TRIP12: variants seen among roughly 807,000 people sequenced by gnomAD.
TRIP12 encodes E3 ubiquitin-protein ligase TRIP12.
In TRIP12, 25 loss-of-function variants were observed where a neutral mutation model predicts 244.2. The observed-to-expected ratio is 0.10, with a 90% CI of 0.07 to 0.14. TRIP12 has a LOEUF of 0.14. Among genes scored for constraint, TRIP12 ranks in the 10% least tolerant of loss-of-function variants. The pLI is 1.00. For missense variants in TRIP12, 1,677 were observed against 2,486.4 expected (o/e 0.67, Z 6.92); for synonymous variants, 905 against 873.1 (o/e 1.04, Z -0.64).
At chr2:229,823,014 CAA>C (rs1021274120) in intron 8 of TRIP12, among the ~76,000 whole-genome samples, 25 of 151,908 alleles carry the variant, frequency 1.6e-4, no homozygotes, top group African/African-American at 5.8e-4. Context: ...TCCAACTAGG[CAA>C]AGAGAAAAAA....
rs2154310490 is a variant in TRIP12 at position 229,840,930 on chromosome 2, A to G, written c.1028-3T>C. ...TTTCTTCGTAGATTTTCTTAAACCT[A>G]TCCACAGAAAATGGAAAAGTGTAAT... On this transcript the variant is annotated splice_polypyrimidine_tract_variant and splice_region_variant and intron_variant, in intron 4 of 41. Transcript: ENST00000675903. 6.3e-7 allele frequency: 1 copy of G among 1,578,108 alleles called. No homozygotes were observed. Among genetic ancestry groups the G allele is most frequent in the South Asian group, 1.2e-5 (1 of 83,934 alleles).
intron 8 of TRIP12, among the ~76,000 whole-genome samples, chr2:229,822,433 G>A (rs1338757698): frequency 6.6e-6 from 1 of 152,130 alleles, no homozygotes; most frequent in Non-Finnish European, 1.5e-5. Flanking sequence ...CAAAATTCTA[G>A]GAGGGCCACA....
rs762153765 is a variant in TRIP12 at position 229,791,171 on chromosome 2, G to A, written c.4496C>T (p.Thr1499Met). Residue 1499 changes from threonine (T) to methionine (M), a missense_variant, in exon 30 of 42, where the codon ACG becomes ATG. Thr to Met is a moderately conservative substitution (Grantham distance 81, BLOSUM62 -1). Coordinates refer to ENST00000675903, the MANE Select transcript of TRIP12 (RefSeq NM_001348323.3). ...TTTTGCATTTCTAGGGGAAGTTTTC[G>A]TTGGAGCTGTTTGGGCTCTTCCTCT... ...GKRGRAQTAP[T>M]KTSPRNAKKH... 21 of 1,613,936 alleles carry A rather than the reference G, an allele frequency of 1.3e-5. No individual in the cohort carries two copies. Among genetic ancestry groups the A allele is most frequent in the African/African-American group, 4.0e-5 (3 of 74,900 alleles).
At chr2:229,861,886 A>T (rs1250941722) in intron 2 of TRIP12, among the ~76,000 whole-genome samples, 2 of 152,218 alleles carry the variant, frequency 1.3e-5, no homozygotes, top group African/African-American at 4.8e-5. Flanking sequence ...TTTCTTAAAA[A>T]AAAATAACAA....
chr2:229,909,410 T>C (rs1444710512), intron 1 of TRIP12, among the ~76,000 whole-genome samples: 3 of 151,774 alleles, frequency 2.0e-5, no homozygotes, highest in African/African-American at 7.3e-5. Flanking sequence ...ATTAAAATAT[T>C]AGCTGGATGT....
At chr2:229,891,775 C>G (rs2067422064) in intron 1 of TRIP12, among the ~76,000 whole-genome samples, 1 of 152,172 alleles carries the variant, frequency 6.6e-6, no homozygotes, top group Admixed American at 6.5e-5. Context: ...TCTCCCAACT[C>G]CCACAATTAA....
intron 6 of TRIP12, among the ~76,000 whole-genome samples, chr2:229,832,419 AAAGTT>A (rs1222885860): frequency 2.0e-5 from 3 of 152,238 alleles, no homozygotes; most frequent in South Asian, 4.1e-4. Context: ...ACCACTCTGA[AAAGTT>A]TAGAGCCATA....
At position 229,836,976 on chromosome 2, in the gene TRIP12, C is replaced by G. The variant is rs570013910; in HGVS notation, c.1142G>C (p.Gly381Ala). The G allele has an allele frequency of 5.1e-6, 8 of 1,557,486 alleles. No individual in the cohort carries two copies. The Admixed American group carries it at 8.4e-5, about 16-fold the overall frequency. ...TGCTCCTCTTTTGCCCAGGCCAGAGCCTCGCCGACTACAACAGAAAAATGT... is the reference window on the plus strand; with the variant it reads ...TGCTCCTCTTTTGCCCAGGCCAGAGGCTCGCCGACTACAACAGAAAAATGT... ...TGSCASTSRR[G>A]SGLGKRGAAE... Residue 381 changes from glycine to alanine, a missense_variant, in exon 6 of 42, where the codon GGC becomes GCC. By Grantham distance (60) the Gly-to-Ala change is moderately conservative (BLOSUM62 0). This residue lies in a region of TRIP12 where 143 missense variants were observed against 215.6 expected (regional missense o/e 0.66). Transcript: ENST00000675903.
chr2:229,897,056 G>C (rs964336684), intron 1 of TRIP12, among the ~76,000 whole-genome samples: 7 of 152,184 alleles, frequency 4.6e-5, no homozygotes, highest in African/African-American at 1.7e-4. Flanking sequence ...AAAAGGCTAT[G>C]CATGTTGAGG....
At chr2:229,878,873 C>T (rs576528446) in intron 2 of TRIP12, among the ~76,000 whole-genome samples, 6 of 152,014 alleles carry the variant, frequency 3.9e-5, no homozygotes, top group African/African-American at 1.2e-4. Flanking sequence ...TGAGCCACCG[C>T]GCCCGGCCTA....
intron 2 of TRIP12, among the ~76,000 whole-genome samples, chr2:229,877,705 G>A (rs545751593): frequency 1.3e-5 from 2 of 152,230 alleles, no homozygotes; most frequent in African/African-American, 2.4e-5. Context: ...GCATAAAACC[G>A]CAGTTGTTCT....
In TRIP12 at chr2:229,778,603, T is replaced by C; in HGVS notation, c.5210-16A>G. 2 of 1,602,270 alleles carry C rather than the reference T, an allele frequency of 1.2e-6. No homozygotes were observed. Among genetic ancestry groups the C allele is most frequent in the South Asian group, 1.1e-5 (1 of 89,738 alleles). On this transcript the variant is annotated splice_polypyrimidine_tract_variant and intron_variant, in intron 35 of 41. Coordinates refer to ENST00000675903, the MANE Select transcript of TRIP12 (RefSeq NM_001348323.3). The surrounding 1 kb of genome is among the most constrained non-coding windows in gnomAD (Gnocchi z 4.1). ...TCTTGGCTCCCTGAAAAACAAGCAA[T>C]GCAGCAAACTTCAGATGATGTTTCC...
chr2:229,916,913 T>C (rs73103532), intron 1 of TRIP12, among the ~76,000 whole-genome samples: 1,714 of 151,320 alleles, frequency 0.011, 30 homozygotes, highest in African/African-American at 0.04. Flanking sequence ...TATACTTATC[T>C]ATTTATTACA....
chr2:229,788,668 G>C, intron 32 of TRIP12, 130 bp downstream of exon 32: 1 of 1,251,748 alleles, frequency 8.0e-7, no homozygotes. Context: ...ACACAATTAA[G>C]CAAGTTGTGA....
In TRIP12 at chr2:229,883,753, TCA is replaced by T. The variant is rs374863704; in HGVS notation, c.-49-3627_-49-3626del. Among the ~76,000 whole-genome samples, 50 of 152,338 alleles carry T rather than the reference TCA, an allele frequency of 3.3e-4. 1 individual carries two copies. Among genetic ancestry groups the T allele is most frequent in the African/African-American group, 1.1e-3 (47 of 41,578 alleles). On this transcript the variant is annotated intron_variant, in intron 1 of 41. Coordinates refer to ENST00000675903, the MANE Select transcript of TRIP12 (RefSeq NM_001348323.3). The stretch of plus-strand genomic sequence containing the variant: ...GAAAACAAATTCACGACAATTTTAA[TCA>T]CAGAGTATACAACCAACTTATTCAC...
At position 229,848,739 on chromosome 2, in the gene TRIP12, T is replaced by C. The variant is rs138554536; in HGVS notation, c.1028-7812A>G. On this transcript the variant is annotated intron_variant, in intron 4 of 41. Coordinates refer to ENST00000675903, the MANE Select transcript of TRIP12 (RefSeq NM_001348323.3). Reference sequence around the variant, plus strand: ...CCAGATCCAGAGAAAGCAAAACCAGTTGGTCACCCTATCAAGGAATAAATC... The same window carrying C: ...CCAGATCCAGAGAAAGCAAAACCAGCTGGTCACCCTATCAAGGAATAAATC... 2.1e-3 allele frequency among the ~76,000 whole-genome samples: 313 copies of C among 152,254 alleles called. 1 individual carries two copies. Among genetic ancestry groups the C allele is most frequent in the Middle Eastern group, 6.8e-3 (2 of 294 alleles).
chr2:229,917,195 A>C (rs1157308329), intron 1 of TRIP12, among the ~76,000 whole-genome samples: 1 of 151,970 alleles, frequency 6.6e-6, no homozygotes, highest in Non-Finnish European at 1.5e-5. Context: ...CCTGGCTAAC[A>C]AGGTGAAACC....
chr2:229,923,139 A>C (rs1265020261), upstream of TRIP12: 2 of 153,790 alleles, frequency 1.3e-5, no homozygotes, highest in Non-Finnish European at 2.9e-5. Context: ...GACGATTGGG[A>C]GCTCTTACCT....
chr2:229,788,593 A>G (rs1201045694), intron 32 of TRIP12, among the ~76,000 whole-genome samples: 21 of 152,234 alleles, frequency 1.4e-4, no homozygotes, highest in Admixed American at 1.4e-3. Context: ...TGTTTCATAC[A>G]TAGACACATA....
Sources: gnomAD v4.1 joint callset for allele counts (sites outside exome capture counted in the v4.1 genomes callset) on GRCh38, gnomAD v4.1.1 for gene constraint, gnomAD v4.1.1 regional missense constraint, Gnocchi (gnomAD v3.1) non-coding constraint, MANE v1.5 for transcripts, NCBI Gene and HGNC (gene_info 2026-07-23, HGNC 2026-07-21) for gene names.